NXPH1: variants seen among roughly 807,000 people sequenced by gnomAD.
The protein encoded by NXPH1 is neurexophilin 1.
NXPH1 carries 5 observed loss-of-function variants against 23.7 expected under a neutral mutation model. The observed-to-expected ratio is 0.21, with a 90% CI of 0.11 to 0.44. The LOEUF is 0.44. Among genes scored for constraint, NXPH1 ranks in the 20% least tolerant of loss-of-function variants. The probability of loss-of-function intolerance (pLI) is 0.99; values close to 1 mark genes in which losing one functional copy is unlikely to be tolerated. For missense variants in NXPH1, 324 were observed against 321.6 expected, an observed-to-expected ratio of 1.01 and a Z score of -0.06; for synonymous variants, 144 against 122.2, an observed-to-expected ratio of 1.18 and a Z score of -1.18.
intron 2 of NXPH1, among the ~76,000 whole-genome samples, chr7:8,515,934 AC>A (rs1225131166): frequency 6.6e-6 from 1 of 152,032 alleles, no homozygotes; most frequent in African/African-American, 2.4e-5. Context: ...TTCTGTTCTT[AC>A]CACCTCATGT....
At chr7:8,707,716 A>C (rs1276967146) in intron 2 of NXPH1, among the ~76,000 whole-genome samples, 1 of 152,140 alleles carries the variant, frequency 6.6e-6, no homozygotes, top group East Asian at 1.9e-4. Flanking sequence ...GCCTAACTCT[A>C]GGATTTGCTA....
intron 2 of NXPH1, among the ~76,000 whole-genome samples, chr7:8,628,370 GTTT>G (rs5882180): frequency 7.4e-6 from 1 of 135,276 alleles, no homozygotes; most frequent in African/African-American, 2.6e-5. Flanking sequence ...ATGCATAGGT[GTTT>G]TTTTTTTTTT....
chr7:8,534,095 C>A (rs907482008), intron 2 of NXPH1, among the ~76,000 whole-genome samples: 1 of 152,040 alleles, frequency 6.6e-6, no homozygotes, highest in Non-Finnish European at 1.5e-5. Context: ...TGGAAACACA[C>A]AAAAATCAAT....
At chr7:8,468,930 G>C (rs898211776) in intron 2 of NXPH1, among the ~76,000 whole-genome samples, 1 of 151,916 alleles carries the variant, frequency 6.6e-6, no homozygotes, top group African/African-American at 2.4e-5. Flanking sequence ...CAATTTTTAA[G>C]AGTGTTAAAT....
At chr7:8,439,917 T>C (rs1816267096) in intron 2 of NXPH1, among the ~76,000 whole-genome samples, 1 of 152,212 alleles carries the variant, frequency 6.6e-6, no homozygotes, top group African/African-American at 2.4e-5. Flanking sequence ...TTAAGCCAGC[T>C]GCACACTGAA....
intron 2 of NXPH1, among the ~76,000 whole-genome samples, chr7:8,726,941 C>A (rs1304855329): frequency 4.0e-5 from 6 of 150,414 alleles, no homozygotes; most frequent in African/African-American, 1.2e-4. Flanking sequence ...AACTAGTTTA[C>A]AGTCCCACCA....
chr7:8,655,382 C>G (rs1037550158), intron 2 of NXPH1, among the ~76,000 whole-genome samples: 6 of 130,402 alleles, frequency 4.6e-5, no homozygotes, highest in Non-Finnish European at 9.7e-5. Flanking sequence ...GAGTCTGTCT[C>G]TGTCTTTGTC....
At chr7:8,494,194 G>A (rs1213443476) in intron 2 of NXPH1, among the ~76,000 whole-genome samples, 1 of 151,348 alleles carries the variant, frequency 6.6e-6, no homozygotes, top group Non-Finnish European at 1.5e-5. Flanking sequence ...ATAGTAGAGT[G>A]ATTTTTCATA....
At chr7:8,643,453 T>G (rs541002394) in intron 2 of NXPH1, among the ~76,000 whole-genome samples, 1 of 152,324 alleles carries the variant, frequency 6.6e-6, no homozygotes, top group Non-Finnish European at 1.5e-5. Flanking sequence ...ACCTTTTAAG[T>G]GCTTTTCTTC....
chr7:8,457,908 A>G (rs1037069424), intron 2 of NXPH1, among the ~76,000 whole-genome samples: 1 of 152,208 alleles, frequency 6.6e-6, no homozygotes, highest in Admixed American at 6.5e-5. Context: ...CTTCATTTCA[A>G]GAACCAAGGC....
intron 2 of NXPH1, among the ~76,000 whole-genome samples, chr7:8,672,880 G>T (rs1248297958): frequency 6.6e-6 from 1 of 152,088 alleles, no homozygotes; most frequent in African/African-American, 2.4e-5. Flanking sequence ...TCTTTCCCCT[G>T]TGTGCTGCTA....
At chr7:8,733,467 C>T (rs887491533) in intron 2 of NXPH1, among the ~76,000 whole-genome samples, 18 of 152,168 alleles carry the variant, frequency 1.2e-4, no homozygotes, top group Admixed American at 1.0e-3. Flanking sequence ...CTGTCTTCCT[C>T]AATGGTTGAG....
At chr7:8,706,159 C>A (rs988657063) in intron 2 of NXPH1, among the ~76,000 whole-genome samples, 3 of 152,242 alleles carry the variant, frequency 2.0e-5, no homozygotes, top group East Asian at 3.9e-4. Context: ...TAACTAACCT[C>A]TTTTCAAAAA....
chr7:8,450,449 A>C (rs1816487737), intron 2 of NXPH1, among the ~76,000 whole-genome samples: 1 of 152,260 alleles, frequency 6.6e-6, no homozygotes, highest in Non-Finnish European at 1.5e-5. Context: ...CTTTCATTGC[A>C]TTCTGCATGT....
At chr7:8,511,537 C>T (rs1817612040) in intron 2 of NXPH1, among the ~76,000 whole-genome samples, 3 of 152,042 alleles carry the variant, frequency 2.0e-5, no homozygotes, top group African/African-American at 7.2e-5. Context: ...TGACATATCT[C>T]CTTCACTCTG....
At chr7:8,569,176 T>C (rs537864116) in intron 2 of NXPH1, among the ~76,000 whole-genome samples, 1 of 151,950 alleles carries the variant, frequency 6.6e-6, no homozygotes, top group Non-Finnish European at 1.5e-5. Flanking sequence ...GCATCACCTA[T>C]GAAAGTTTTG....
At chr7:8,691,280 C>G (rs559968513) in intron 2 of NXPH1, among the ~76,000 whole-genome samples, 1 of 152,202 alleles carries the variant, frequency 6.6e-6, no homozygotes, top group African/African-American at 2.4e-5. Context: ...TTCTGAGTAG[C>G]TGGGATTACA....
intron 2 of NXPH1, among the ~76,000 whole-genome samples, chr7:8,545,116 C>T (rs1818179780): frequency 1.3e-5 from 2 of 151,520 alleles, no homozygotes; most frequent in Admixed American, 6.6e-5. Context: ...AATGTCTCTT[C>T]AGTGCTATCA....
At chr7:8,606,420 A>T (rs951071977) in intron 2 of NXPH1, among the ~76,000 whole-genome samples, 1 of 152,254 alleles carries the variant, frequency 6.6e-6, no homozygotes, top group Middle Eastern at 3.4e-3. Flanking sequence ...ACTGTTAACA[A>T]TGTGATGTAT....
Sources: gnomAD v4.1 joint callset for allele counts (sites outside exome capture counted in the v4.1 genomes callset) on GRCh38, gnomAD v4.1.1 for gene constraint, MANE v1.5 for transcripts, NCBI Gene and HGNC (gene_info 2026-07-23, HGNC 2026-07-21) for gene names.